PPIE: variants seen among roughly 807,000 people sequenced by gnomAD.
PPIE encodes peptidylprolyl isomerase E, also known as peptidyl-prolyl cis-trans isomerase E.
A neutral mutation model predicts 38.4 loss-of-function variants in PPIE; 20 were observed. The ratio of observed to expected loss-of-function variants is 0.52; its 90% CI spans 0.37 to 0.76. The LOEUF is 0.76. PPIE is among the 30% of genes least tolerant of loss of function. The pLI, the probability that PPIE is intolerant of heterozygous loss-of-function variation, is 0.00. For missense variants in PPIE, 322 were observed against 385.8 expected (o/e 0.83, Z 1.39); for synonymous variants, 142 against 135.7 (o/e 1.05, Z -0.32).
At chr1:39,746,820 T>C (rs1647222328) in intron 7 of PPIE, 1 of 152,394 alleles carries the variant, frequency 6.6e-6, no homozygotes, top group Middle Eastern at 3.4e-3. Context: ...TGCTGTTGTC[T>C]CTTCCTCCCT....
chr1:39,738,944 G>A lies in PPIE; in HGVS notation c.31+13G>A, dbSNP rs764436237. The stretch of plus-strand genomic sequence containing the variant: ...GTCTTGTACGTGGGTGAGCAGGAGG[G>A]GTTGCTAGGCGGAGTCTGAGTGAAC... On this transcript the variant is annotated intron_variant, in intron 1 of 9. Coordinates refer to ENST00000324379, the MANE Select transcript of PPIE (RefSeq NM_006112.4). The A allele has an allele frequency of 6.8e-7, 1 of 1,472,456 alleles. No homozygotes were observed. Among genetic ancestry groups the A allele is most frequent in the South Asian group, 1.4e-5 (1 of 70,660 alleles). 91.2% of individuals were successfully genotyped at this position (1,472,456 alleles called of 1,614,324 possible). A position where few individuals can be genotyped will look rare whatever the true frequency, so the allele number is the denominator to read the frequency against.
Position 39,763,771 on chromosome 1 carries a change from C to T in PPIE, c.*29C>T, listed in dbSNP as rs140254369. The T allele has an allele frequency of 5.3e-4, 851 of 1,600,062 alleles. 46 individuals carry two copies. In the African/African-American group the frequency reaches 9.7e-3, roughly 18 times the overall value. Reference sequence around the variant, plus strand: ...TCGTGCCGACGGCAGACCTGCCGGCCGTGGGAGCCGTGGACGTCATCTGCA... The same window carrying T: ...TCGTGCCGACGGCAGACCTGCCGGCTGTGGGAGCCGTGGACGTCATCTGCA... On this transcript the variant is annotated 3_prime_UTR_variant, in exon 10 of 10. Transcript: ENST00000356511.
Position 39,743,731 on chromosome 1 carries a change from C to T in PPIE, c.284-93C>T, listed in dbSNP as rs546043874. The stretch of plus-strand genomic sequence containing the variant: ...GTGGGGAATTGTCTGGCATACAGGC[C>T]ACATAGCATCTTCCACTTTGCTGAC... On this transcript the variant is annotated intron_variant, in intron 5 of 9. Coordinates refer to ENST00000324379, the MANE Select transcript of PPIE (RefSeq NM_006112.4). The T allele has an allele frequency of 2.4e-3, 2,340 of 966,080 alleles. 80 individuals are homozygous for T. In the South Asian group the frequency reaches 0.033, roughly 14 times the overall value. 59.8% of individuals were successfully genotyped at this position (966,080 alleles called of 1,614,324 possible).
intron 2 of PPIE, among the ~76,000 whole-genome samples, chr1:39,740,651 G>T (rs1410148188): frequency 2.0e-5 from 3 of 152,234 alleles, no homozygotes; most frequent in African/African-American, 7.2e-5. Context: ...CATAATGGGG[G>T]TGGGTGAGGG....
downstream of PPIE, chr1:39,760,364 T>G (rs1648766067): frequency 6.2e-7 from 1 of 1,605,322 alleles, no homozygotes; most frequent in Non-Finnish European, 8.5e-7. Context: ...TTCCTGCTTC[T>G]GAGGGGCCCG....
intron 3 of PPIE, 159 bp from the exon 4 acceptor site, chr1:39,741,736 A>G: frequency 1.3e-6 from 1 of 761,944 alleles, no homozygotes; most frequent in Non-Finnish European, 2.1e-6. Context: ...CCAGCTCTAA[A>G]ATCAGCCAGG....
Position 39,756,366 on chromosome 1 carries a change from C to G in PPIE, c.*3011C>G, listed in dbSNP as rs1025295443. 1.0e-6 allele frequency: 1 copy of G among 985,310 alleles called. No homozygotes were observed. The highest frequency in any genetic ancestry group is 1.7e-5 in the African/African-American group (1 of 57,230). 61.0% of individuals were successfully genotyped at this position (985,310 alleles called of 1,614,324 possible). ...TTCCTTTTGCTGATTCATTTCCCCC[C>G]TAACTCATTCAGAGTTGAGCCCCAT... is the stretch of plus-strand genomic sequence containing the variant. On this transcript the variant is annotated 3_prime_UTR_variant, in exon 10 of 10. Transcript: ENST00000324379.
At position 39,756,401 on chromosome 1, in the gene PPIE, C is replaced by G; in HGVS notation, c.*3046C>G. 3 of 985,418 alleles carry G rather than the reference C, an allele frequency of 3.0e-6. No individual in the cohort carries two copies. Among genetic ancestry groups the G allele is most frequent in the Non-Finnish European group, 3.6e-6 (3 of 829,932 alleles). 61.0% of individuals were successfully genotyped at this position (985,418 alleles called of 1,614,324 possible). ...CAGAGTTGAGCCCCATCTGAGTCCC[C>G]ACATGCTGGCCCTGAAACGGTTACA... On this transcript the variant is annotated 3_prime_UTR_variant, in exon 10 of 10. Transcript: ENST00000324379.
chr1:39,754,952 C>A lies in PPIE; in HGVS notation c.*1597C>A. ...TAGCCAAATTGACACACAAAATAGA[C>A]CATCACAGTCCCAAGGCCTAAAATA... On this transcript the variant is annotated 3_prime_UTR_variant, in exon 10 of 10. Transcript: ENST00000324379. The A allele has an allele frequency of 1.1e-6, 1 of 944,434 alleles. No individual in the cohort carries two copies. The highest frequency in any genetic ancestry group is 1.3e-6 in the Non-Finnish European group (1 of 792,748). 58.5% of individuals were successfully genotyped at this position (944,434 alleles called of 1,614,324 possible).
At position 39,753,619 on chromosome 1, in the gene PPIE, A is replaced by G. The variant is rs1324758536; in HGVS notation, c.*264A>G. 6.8e-6 allele frequency: 9 copies of G among 1,318,172 alleles called. No homozygotes were observed. The highest frequency in any genetic ancestry group is 7.7e-6 in the Non-Finnish European group (8 of 1,036,636). 81.7% of individuals were successfully genotyped at this position (1,318,172 alleles called of 1,614,324 possible). On this transcript the variant is annotated 3_prime_UTR_variant, in exon 10 of 10. Coordinates refer to ENST00000324379, the MANE Select transcript of PPIE (RefSeq NM_006112.4). The stretch of plus-strand genomic sequence containing the variant: ...GTGCAAAAAGCCACTGGCTTTTCTC[A>G]GCATTTGCTGCTGGGCCTCTCCTGG...
downstream of PPIE, chr1:39,758,847 G>C (rs1648569071): frequency 6.6e-6 from 1 of 152,210 alleles, no homozygotes; most frequent in Admixed American, 6.5e-5. Flanking sequence ...GGCCCTCCCT[G>C]GTCCAGGTGG....
downstream of PPIE, among the ~76,000 whole-genome samples, chr1:39,756,951 G>A (rs942760033): frequency 6.6e-6 from 1 of 152,168 alleles, no homozygotes; most frequent in African/African-American, 2.4e-5. Context: ...GACCTGGATG[G>A]GCAGTTCCCC....
Position 39,749,072 on chromosome 1 carries a change from C to G in PPIE, c.678C>G (p.Leu226=), listed in dbSNP as rs754606907. The G allele has an allele frequency of 1.2e-6, 2 of 1,604,914 alleles. No individual in the cohort carries two copies. Among genetic ancestry groups the G allele is most frequent in the African/African-American group, 1.3e-5 (1 of 74,482 alleles). ...AGTTCGATGATGAAAACTTTATCCT[C>G]AAGCATACGGGACCAGGTAGGAGCC... ...GKKFDDENFI[L]KHTGPGLLSM... The change falls in exon 8 of 10, where the codon CTC becomes CTG. Residue 226 remains leucine, a synonymous_variant. Coordinates refer to ENST00000324379, the MANE Select transcript of PPIE (RefSeq NM_006112.4).
Position 39,743,117 on chromosome 1 carries a change from G to A in PPIE, c.202-99G>A, listed in dbSNP as rs1014317721. On this transcript the variant is annotated intron_variant, in intron 4 of 9. Coordinates refer to ENST00000324379, the MANE Select transcript of PPIE (RefSeq NM_006112.4). ...ACTGGTAGAGGCCCAGGGATTAAGG[G>A]AGGACAAATCATGAGTGTGTCTCAG... is the stretch of plus-strand genomic sequence containing the variant. 2.8e-6 allele frequency: 3 copies of A among 1,063,490 alleles called. No individual in the cohort carries two copies. The East Asian group carries it at 7.6e-5, about 27-fold the overall frequency. 65.9% of individuals were successfully genotyped at this position (1,063,490 alleles called of 1,614,324 possible). A position where few individuals can be genotyped will look rare whatever the true frequency, so the allele number is the denominator to read the frequency against.
chr1:39,763,203 C>G (rs1649260187), intron 9 of PPIE: 4 of 1,609,918 alleles, frequency 2.5e-6, no homozygotes, highest in Non-Finnish European at 3.4e-6. Flanking sequence ...TGACCCAGTC[C>G]TGGGGGGCAA....
chr1:39,759,184 CA>C (rs1648619587), downstream of PPIE: 1 of 152,334 alleles, frequency 6.6e-6, no homozygotes, highest in African/African-American at 2.4e-5. Context: ...GAGGCTGAGA[CA>C]AACCTCTCCA....
intron 2 of PPIE, 63 bp from the exon 3 acceptor site, chr1:39,741,303 C>A: frequency 6.8e-7 from 1 of 1,477,658 alleles, no homozygotes; most frequent in Non-Finnish European, 9.5e-7. Flanking sequence ...CACTTTGTGA[C>A]CATCCTGTTT....
intron 3 of PPIE, chr1:39,741,683 A>G (rs1647061407): frequency 1.6e-6 from 1 of 631,448 alleles, no homozygotes; most frequent in Admixed American, 2.9e-5. Flanking sequence ...GGAAGTAGTG[A>G]TTATTTCTTG....
chr1:39,753,349 C>T lies in PPIE; in HGVS notation c.900C>T (p.Tyr300=), dbSNP rs559252753. 25 of 1,613,976 alleles carry T rather than the reference C, an allele frequency of 1.5e-5. No individual in the cohort carries two copies. In the East Asian group the frequency reaches 2.9e-4, roughly 19 times the overall value. ...QKVIIADCGE[Y]V ...TGATCATCGCCGACTGTGGGGAGTA[C>T]GTGTGAGGCGGCACTCTCTCTGCTT... is the stretch of plus-strand genomic sequence containing the variant. Residue 300 remains tyrosine (Y), a synonymous_variant, in exon 10 of 10, where the codon TAC becomes TAT. Transcript: ENST00000324379.
Sources: allele counts gnomAD v4.1 joint callset (sites outside exome capture counted in the v4.1 genomes callset), GRCh38; gene constraint gnomAD v4.1.1; transcripts MANE v1.5; gene names NCBI Gene and HGNC (gene_info 2026-07-23, HGNC 2026-07-21).